Variants in MBNL2 observed in about 807,000 individuals in gnomAD.
The protein encoded by MBNL2 is muscleblind-like protein 2.
Under a neutral mutation model 41.9 loss-of-function variants are expected in MBNL2, and 17 were observed. The observed-to-expected ratio is 0.41, with a 90% CI of 0.28 to 0.61. The LOEUF (loss-of-function observed/expected upper bound fraction) is 0.61. Among genes scored for constraint, MBNL2 ranks in the 20% least tolerant of loss-of-function variants. The pLI is 0.35. For missense variants in MBNL2, 336 were observed against 505.6 expected (o/e 0.66, Z 3.22); for synonymous variants, 195 against 182.9 (o/e 1.07, Z -0.53).
Position 97,276,043 on chromosome 13 carries a change from T to A in MBNL2, c.-193T>A. ...GCCTACCATCTTTAAGTGGGACATA[T>A]TGATTGATGAGTGATTGCCTGTCCA... On this transcript the variant is annotated 5_prime_UTR_variant, in exon 2 of 9. The change creates a new upstream start codon in the 5' untranslated region. Coordinates refer to ENST00000679496, the MANE Select transcript of MBNL2 (RefSeq NM_001382683.1). The A allele has an allele frequency of 2.0e-6, 1 of 507,816 alleles. No individual in the cohort carries two copies. Among genetic ancestry groups the A allele is most frequent in the East Asian group, 3.1e-5 (1 of 32,580 alleles). 31.5% of individuals were successfully genotyped at this position (507,816 alleles called of 1,614,324 possible). A position where few individuals can be genotyped will look rare whatever the true frequency, so the allele number is the denominator to read the frequency against.
At chr13:97,162,394 G>A in the MBNL2 span, among the ~76,000 whole-genome samples, 5 of 152,194 alleles carry the variant, frequency 3.3e-5, no homozygotes, top group Admixed American at 3.3e-4. Flanking sequence ...GGAAATGTTA[G>A]GTCCATGAGT....
chr13:97,239,635 T>C (rs945958920), intron 1 of MBNL2, among the ~76,000 whole-genome samples: 1 of 152,254 alleles, frequency 6.6e-6, no homozygotes. Flanking sequence ...TCTTTTTTCA[T>C]TTAAACTTCA....
At chr13:97,283,182 A>G (rs1053790186) in intron 2 of MBNL2, among the ~76,000 whole-genome samples, 13 of 152,018 alleles carry the variant, frequency 8.6e-5, no homozygotes, top group African/African-American at 3.1e-4. Flanking sequence ...TTGCTCCCTC[A>G]GTGTGGATGC....
the MBNL2 span, among the ~76,000 whole-genome samples, chr13:97,145,823 AG>A: frequency 1.3e-5 from 2 of 152,136 alleles, no homozygotes; most frequent in African/African-American, 4.8e-5. Flanking sequence ...TGGTTCCCTC[AG>A]GGGCTGCTCC....
At chr13:97,222,987 T>C (rs1037135782) in intron 1 of MBNL2, among the ~76,000 whole-genome samples, 2 of 152,230 alleles carry the variant, frequency 1.3e-5, no homozygotes, top group African/African-American at 2.4e-5. Context: ...ATGTGTCTAT[T>C]TATTAAAAAT....
chr13:97,286,453 T>C (rs1265237715), intron 2 of MBNL2, among the ~76,000 whole-genome samples: 6 of 152,192 alleles, frequency 3.9e-5, no homozygotes, highest in Non-Finnish European at 8.8e-5. Context: ...CAAACCACCA[T>C]CGTGTCTCAC....
intron 2 of MBNL2, among the ~76,000 whole-genome samples, chr13:97,314,705 C>A (rs938195545): frequency 1.3e-5 from 2 of 152,170 alleles, no homozygotes; most frequent in Non-Finnish European, 2.9e-5. Flanking sequence ...TAATCCGCAG[C>A]TCAGGCACTG....
chr13:97,349,671 G>T (rs2062247054), intron 5 of MBNL2, among the ~76,000 whole-genome samples: 1 of 152,174 alleles, frequency 6.6e-6, no homozygotes, highest in Non-Finnish European at 1.5e-5. Flanking sequence ...GGGACCACAG[G>T]TGCATGCCAC....
chr13:97,145,293 G>T, the MBNL2 span, among the ~76,000 whole-genome samples: 2 of 152,102 alleles, frequency 1.3e-5, no homozygotes. Context: ...GATCCTGAAG[G>T]AGCAGATAGA....
At chr13:97,189,412 T>C in the MBNL2 span, among the ~76,000 whole-genome samples, 2 of 152,196 alleles carry the variant, frequency 1.3e-5, no homozygotes, top group Admixed American at 6.5e-5. Context: ...TCAAGGTAGA[T>C]GGAGTACATT....
chr13:97,216,239 C>T, the MBNL2 span, among the ~76,000 whole-genome samples: 11 of 151,986 alleles, frequency 7.2e-5, no homozygotes, highest in Admixed American at 1.3e-4. Flanking sequence ...CTAATCTCTT[C>T]GAAAGTATGT....
intron 2 of MBNL2, among the ~76,000 whole-genome samples, chr13:97,319,745 A>G (rs1289670775): frequency 1.3e-5 from 2 of 152,104 alleles, no homozygotes; most frequent in Non-Finnish European, 2.9e-5. Context: ...TTATCCCAAC[A>G]TTTCTCTTTG....
At chr13:97,347,319 C>T (rs559134198) in intron 5 of MBNL2, among the ~76,000 whole-genome samples, 3 of 152,300 alleles carry the variant, frequency 2.0e-5, no homozygotes, top group South Asian at 2.1e-4. Flanking sequence ...TCCGTTCCCC[C>T]TCCTAGGGTG....
chr13:97,197,108 T>C, the MBNL2 span, among the ~76,000 whole-genome samples: 1 of 152,224 alleles, frequency 6.6e-6, no homozygotes, highest in African/African-American at 2.4e-5. Context: ...GGAGGTCAGA[T>C]GCCTCCCATA....
At chr13:97,213,205 G>A in the MBNL2 span, among the ~76,000 whole-genome samples, 1 of 152,152 alleles carries the variant, frequency 6.6e-6, no homozygotes, top group Non-Finnish European at 1.5e-5. Flanking sequence ...GAATAGAGGT[G>A]ACAAAGAAAG....
intron 2 of MBNL2, among the ~76,000 whole-genome samples, chr13:97,308,663 C>T (rs1834834844): frequency 1.3e-5 from 2 of 152,188 alleles, no homozygotes. Flanking sequence ...ACAAGAGCTG[C>T]TTTAGAGGCC....
chr13:97,251,549 A>G (rs2046503451), intron 1 of MBNL2, among the ~76,000 whole-genome samples: 1 of 152,190 alleles, frequency 6.6e-6, no homozygotes, highest in South Asian at 2.1e-4. Context: ...CTATTAGTAA[A>G]CACGCACTGA....
chr13:97,153,313 G>A, the MBNL2 span, among the ~76,000 whole-genome samples: 1 of 151,360 alleles, frequency 6.6e-6, no homozygotes, highest in Non-Finnish European at 1.5e-5. Flanking sequence ...GTTTGAGCGT[G>A]TGTGTGAGTG....
At chr13:97,339,337 A>G (rs1357283259) in intron 3 of MBNL2, among the ~76,000 whole-genome samples, 2 of 151,864 alleles carry the variant, frequency 1.3e-5, no homozygotes, top group East Asian at 3.9e-4. Context: ...GAGGGAAAGC[A>G]GGGCATGGAA....
Sources: gnomAD v4.1 joint callset for allele counts (sites outside exome capture counted in the v4.1 genomes callset) on GRCh38, gnomAD v4.1.1 for gene constraint, MANE v1.5 for transcripts, NCBI Gene and HGNC (gene_info 2026-07-23, HGNC 2026-07-21) for gene names.